The following MBNL2 variants were observed in gnomAD, a reference collection of about 807,000 sequenced individuals.
The protein encoded by MBNL2 is muscleblind-like protein 2.
In MBNL2, 17 loss-of-function variants were observed where a neutral mutation model predicts 41.9. The observed-to-expected ratio is 0.41, with a 90% confidence interval of 0.28 to 0.61. The LOEUF is 0.61. Ranked by LOEUF, MBNL2 falls within the 20% of genes least tolerant of loss-of-function variation. The pLI, the probability that MBNL2 is intolerant of heterozygous loss-of-function variation, is 0.35. For synonymous variants in MBNL2, 195 were observed against 182.9 expected, an observed-to-expected ratio of 1.07 and a Z score of -0.53; for missense variants, 336 against 505.6, an observed-to-expected ratio of 0.66 and a Z score of 3.22.
the MBNL2 span, among the ~76,000 whole-genome samples, chr13:97,168,586 T>C: frequency 6.6e-5 from 10 of 152,204 alleles, no homozygotes; most frequent in African/African-American, 2.4e-4. Flanking sequence ...CATGAGAGTC[T>C]GGATGTTTGT....
chr13:97,352,252 C>T (rs940204583), intron 5 of MBNL2, among the ~76,000 whole-genome samples: 2 of 152,116 alleles, frequency 1.3e-5, no homozygotes, highest in Non-Finnish European at 2.9e-5. Context: ...CATGGATAAC[C>T]TTGGCACAGG....
chr13:97,151,345 T>C, the MBNL2 span, among the ~76,000 whole-genome samples: 2 of 152,274 alleles, frequency 1.3e-5, no homozygotes, highest in South Asian at 2.1e-4. Flanking sequence ...CCTGTGATCA[T>C]GTTTCCTTTC....
At chr13:97,167,195 A>G in the MBNL2 span, among the ~76,000 whole-genome samples, 133 of 152,334 alleles carry the variant, frequency 8.7e-4, no homozygotes, top group African/African-American at 3.1e-3. Flanking sequence ...TTCAACTTAA[A>G]ATCCCAGGAA....
intron 8 of MBNL2, among the ~76,000 whole-genome samples, chr13:97,384,120 C>T (rs777857548): frequency 2.0e-5 from 3 of 151,906 alleles, no homozygotes; most frequent in African/African-American, 4.8e-5. Context: ...AGGCTGGTCT[C>T]GAACTCCTGA....
At chr13:97,194,664 T>A in the MBNL2 span, among the ~76,000 whole-genome samples, 1 of 152,172 alleles carries the variant, frequency 6.6e-6, no homozygotes, top group African/African-American at 2.4e-5. Flanking sequence ...AAAGACCCTG[T>A]TGATAAAACA....
the MBNL2 span, among the ~76,000 whole-genome samples, chr13:97,214,026 C>T: frequency 1.3e-5 from 2 of 152,216 alleles, no homozygotes; most frequent in African/African-American, 4.8e-5. Context: ...AATCTCACCA[C>T]AGTCTTGTGC....
At chr13:97,335,838 G>C (rs1005389746) in intron 3 of MBNL2, among the ~76,000 whole-genome samples, 2 of 152,154 alleles carry the variant, frequency 1.3e-5, no homozygotes, top group Non-Finnish European at 2.9e-5. Context: ...AAGTGGTTCT[G>C]TTTAAACTAC....
In MBNL2 at chr13:97,237,534, T is replaced by C. The variant is rs563052313; in HGVS notation, c.-605+15003T>C. Among the ~76,000 whole-genome samples, 3 of 152,284 alleles carry C rather than the reference T, an allele frequency of 2.0e-5. No individual in the cohort carries two copies. In the South Asian group the frequency reaches 6.2e-4, roughly 32 times the overall value. ...AAGGTATTATGCCACAAGGGAGGTA[T>C]AAGATGCCTGTGAGATTAGTGCCAT... On this transcript the variant is annotated intron_variant, in intron 1 of 8. Coordinates refer to ENST00000679496, the MANE Select transcript of MBNL2 (RefSeq NM_001382683.1).
the MBNL2 span, among the ~76,000 whole-genome samples, chr13:97,205,624 T>C: frequency 3.3e-5 from 5 of 152,168 alleles, no homozygotes; most frequent in Non-Finnish European, 7.4e-5. Flanking sequence ...TTTTTCCTTG[T>C]AAGAAGAAAA....
the MBNL2 span, among the ~76,000 whole-genome samples, chr13:97,215,763 G>A: frequency 3.3e-5 from 5 of 152,050 alleles, no homozygotes; most frequent in Non-Finnish European, 7.4e-5. Context: ...TTTTGGCCTA[G>A]GGACACAGTG....
chr13:97,364,446 C>A (rs964726982), intron 7 of MBNL2, among the ~76,000 whole-genome samples: 2 of 152,140 alleles, frequency 1.3e-5, no homozygotes, highest in Admixed American at 1.3e-4. Flanking sequence ...GAGAAGACCA[C>A]GTACTCATAC....
chr13:97,372,287 T>A (rs2064459708), intron 8 of MBNL2, among the ~76,000 whole-genome samples: 1 of 152,180 alleles, frequency 6.6e-6, no homozygotes, highest in African/African-American at 2.4e-5. Flanking sequence ...TCATTCATGT[T>A]TAATATTATG....
Position 97,226,750 on chromosome 13 carries a change from A to T in MBNL2, c.-605+4219A>T, listed in dbSNP as rs532397415. 1.2e-4 allele frequency among the ~76,000 whole-genome samples: 18 copies of T among 152,318 alleles called. No individual in the cohort carries two copies. The South Asian group carries it at 3.7e-3, about 32-fold the overall frequency. On this transcript the variant is annotated intron_variant, in intron 1 of 8. Coordinates refer to ENST00000679496, the MANE Select transcript of MBNL2 (RefSeq NM_001382683.1). ...GATGTCAGATGAGCAATAGATAGATAAGAATGGTGCAAAAAAAAATCAAAA... is the reference window on the plus strand; with the variant it reads ...GATGTCAGATGAGCAATAGATAGATTAGAATGGTGCAAAAAAAAATCAAAA...
chr13:97,179,593 G>A, the MBNL2 span: 2 of 152,280 alleles, frequency 1.3e-5, no homozygotes, highest in Non-Finnish European at 2.9e-5. Context: ...TAAATTCCAG[G>A]CTTGCTTGCT....
chr13:97,211,218 G>A, the MBNL2 span, among the ~76,000 whole-genome samples: 8 of 151,392 alleles, frequency 5.3e-5, no homozygotes, highest in Non-Finnish European at 8.8e-5. Context: ...TCTAGCCCTA[G>A]GATCCATGAT....
chr13:97,204,593 G>GA, the MBNL2 span, among the ~76,000 whole-genome samples: 5 of 151,604 alleles, frequency 3.3e-5, no homozygotes, highest in Middle Eastern at 3.2e-3. Context: ...CTTTCAGGAA[G>GA]AAAAAAAACT....
chr13:97,303,535 A>G (rs1167104411), intron 2 of MBNL2, among the ~76,000 whole-genome samples: 1 of 152,214 alleles, frequency 6.6e-6, no homozygotes, highest in Non-Finnish European at 1.5e-5. Context: ...GGCTCTCTCA[A>G]CCATGCAGGC....
At position 97,291,915 on chromosome 13, in the gene MBNL2, AAAG is replaced by A. The variant is rs1334544301; in HGVS notation, c.174+15507_174+15509del. Among the ~76,000 whole-genome samples the A allele has an allele frequency of 1.3e-3, 168 of 124,454 alleles. 8 individuals are homozygous for A. Among genetic ancestry groups the A allele is most frequent in the Admixed American group, 2.3e-3 (28 of 11,944 alleles). 81.6% of individuals were successfully genotyped at this position (124,454 alleles called of 152,430 possible). ...GTCTCCGTCTCAAAAAAAAAAAAAA[AAAG>A]TGGGCTGGGTGCGGTGGCTCACGCC... On this transcript the variant is annotated intron_variant, in intron 2 of 8. Transcript: ENST00000679496.
chr13:97,376,801 A>T (rs941619573), intron 8 of MBNL2, among the ~76,000 whole-genome samples: 2 of 152,198 alleles, frequency 1.3e-5, no homozygotes, highest in Admixed American at 6.5e-5. Flanking sequence ...TTCCACCATC[A>T]TACCATACCT....
Sources: gnomAD v4.1 joint callset for allele counts (sites outside exome capture counted in the v4.1 genomes callset) on GRCh38, gnomAD v4.1.1 for gene constraint, MANE v1.5 for transcripts, NCBI Gene and HGNC (gene_info 2026-07-23, HGNC 2026-07-21) for gene names.